Variants in PROX1 observed in about 807,000 individuals in gnomAD.
PROX1 encodes the protein prospero homeobox 1.
A neutral mutation model predicts 58.8 loss-of-function variants in PROX1; 7 were observed. That is an observed-to-expected ratio of 0.12 (90% CI 0.07 to 0.22). PROX1 has a LOEUF of 0.22. Among genes scored for constraint, PROX1 ranks in the 10% least tolerant of loss-of-function variants. PROX1 has a pLI of 1.00. For missense variants in PROX1, 675 were observed against 927.8 expected, an observed-to-expected ratio of 0.73 and a Z score of 3.54; for synonymous variants, 350 against 358.3, an observed-to-expected ratio of 0.98 and a Z score of 0.26.
chr1:214,010,265 A>G (rs185895424), intron 3 of PROX1, among the ~76,000 whole-genome samples: 25 of 152,316 alleles, frequency 1.6e-4, no homozygotes, highest in Non-Finnish European at 1.3e-4. Context: ...TTATGATGCA[A>G]GTTGGCCTTT....
At chr1:214,033,229 G>A (rs577819596) in intron 4 of PROX1, among the ~76,000 whole-genome samples, 2 of 152,306 alleles carry the variant, frequency 1.3e-5, no homozygotes, top group East Asian at 3.9e-4. Context: ...AGTGCTCAAG[G>A]AACATAGAAT....
At chr1:214,020,744 A>G (rs530049878) in intron 4 of PROX1, among the ~76,000 whole-genome samples, 2 of 152,370 alleles carry the variant, frequency 1.3e-5, no homozygotes, top group East Asian at 3.9e-4. Flanking sequence ...CTACTGCAAC[A>G]TAAAATGATT....
In PROX1 at chr1:214,035,134, TCAA is replaced by T. The variant is rs1664786839; in HGVS notation, c.2029-511_2029-509del. Reference sequence around the variant, plus strand: ...ATTAATATACAACTTAGCATCTGAGTCAACAATCCTCTGAGACAAACAGATAAC... The same window carrying T: ...ATTAATATACAACTTAGCATCTGAGTCAATCCTCTGAGACAAACAGATAAC... On this transcript the variant is annotated intron_variant, in intron 4 of 4. Transcript: ENST00000366958. 2.0e-5 allele frequency among the ~76,000 whole-genome samples: 3 copies of T among 152,276 alleles called. No individual in the cohort carries two copies. The South Asian group carries it at 6.2e-4, about 32-fold the overall frequency.
chr1:213,989,563 A>T lies in PROX1; in HGVS notation c.-68+1080A>T, dbSNP rs1662947183. 2.0e-5 allele frequency among the ~76,000 whole-genome samples: 3 copies of T among 151,788 alleles called. No homozygotes were observed. The South Asian group carries it at 6.3e-4, about 32-fold the overall frequency. On this transcript the variant is annotated intron_variant, in intron 1 of 4. Transcript: ENST00000366958. The stretch of plus-strand genomic sequence containing the variant: ...GAGGGAGGACAGGAGAGGTGAGAGT[A>T]ATTGTTACTGGGAAGACTAGTGAGG...
chr1:214,032,746 C>T (rs1558189209), intron 4 of PROX1, among the ~76,000 whole-genome samples: 1 of 152,110 alleles, frequency 6.6e-6, no homozygotes, highest in African/African-American at 2.4e-5. Flanking sequence ...GCTGAGGCTC[C>T]TTATCTAGAG....
chr1:214,010,220 A>G (rs1457571073), intron 3 of PROX1, among the ~76,000 whole-genome samples: 1 of 152,164 alleles, frequency 6.6e-6, no homozygotes, highest in Non-Finnish European at 1.5e-5. Flanking sequence ...TTTTCTGGTC[A>G]ATTATCTGTA....
At position 214,041,337 on chromosome 1, in the gene PROX1, A is replaced by T. The variant is rs1408271847; in HGVS notation, c.*5503A>T. The T allele has an allele frequency of 6.6e-6, 1 of 152,138 alleles. No homozygotes were observed. The allele number at this position is 152,138 out of a possible 1,614,324, so 9.4% of individuals were successfully genotyped here. On this transcript the variant is annotated 3_prime_UTR_variant, in exon 5 of 5. Coordinates refer to ENST00000366958, the MANE Select transcript of PROX1 (RefSeq NM_001270616.2). ...TGTAGGACAGTAGGCTAGTTGTGCC[A>T]GTAATGTCAAGTATGGAGATTTTCT...
In PROX1 at chr1:214,035,853, T is replaced by C. The variant is rs754708802; in HGVS notation, c.*19T>C. On this transcript the variant is annotated 3_prime_UTR_variant, in exon 5 of 5. Coordinates refer to ENST00000366958, the MANE Select transcript of PROX1 (RefSeq NM_001270616.2). ...TGAGTAGAAATTTCAACAACTCTTT[T>C]TGAATGTATGAAGAGTAGCAGTCCC... 2.9e-5 allele frequency: 47 copies of C among 1,600,132 alleles called. No homozygotes were observed. The highest frequency in any genetic ancestry group is 3.6e-5 in the Non-Finnish European group (42 of 1,172,350).
Position 214,036,673 on chromosome 1 carries a change from G to A in PROX1, c.*839G>A, listed in dbSNP as rs886902525. 6.6e-6 allele frequency: 1 copy of A among 152,090 alleles called. No individual in the cohort carries two copies. The highest frequency in any genetic ancestry group is 1.5e-5 in the Non-Finnish European group (1 of 68,008). 9.4% of individuals were successfully genotyped at this position (152,090 alleles called of 1,614,324 possible). A position where few individuals can be genotyped will look rare whatever the true frequency, so the allele number is the denominator to read the frequency against. On this transcript the variant is annotated 3_prime_UTR_variant, in exon 5 of 5. Transcript: ENST00000366958. The stretch of plus-strand genomic sequence containing the variant: ...TCATTTTTGCTTCAGATACTAAAAG[G>A]CACTAAGTTTCCAATTTACGCTGCT...
At chr1:214,031,065 G>C (rs1664635408) in intron 4 of PROX1, among the ~76,000 whole-genome samples, 2 of 150,466 alleles carry the variant, frequency 1.3e-5, no homozygotes, top group South Asian at 4.2e-4. Context: ...GTGTGTGTGT[G>C]TGCGCGCGCG....
At chr1:213,988,610 C>T (rs951380779) in intron 1 of PROX1, 127 bp downstream of exon 1, 4 of 152,194 alleles carry the variant, frequency 2.6e-5, no homozygotes, top group African/African-American at 9.7e-5. Flanking sequence ...ACATTATTCC[C>T]CCCAGGAGAA....
intron 3 of PROX1, among the ~76,000 whole-genome samples, chr1:214,008,426 C>A (rs4655481): frequency 0.33 from 48,768 of 146,150 alleles, 8,135 homozygotes; most frequent in Admixed American, 0.44. Context: ...ACAACAACAA[C>A]AAAAAAAACC....
chr1:213,997,303 G>T lies in PROX1; in HGVS notation c.768G>T (p.Lys256Asn). ...AACAGCTGCGCCAGCTGCAGGAAAAGTTCTACCAAATCTATGACAGCACTG... is the reference window on the plus strand; with the variant it reads ...AACAGCTGCGCCAGCTGCAGGAAAATTTCTACCAAATCTATGACAGCACTG... The part of the protein sequence containing the change: ...MQKQLRQLQE[K>N]FYQIYDSTDS... Residue 256 changes from lysine to asparagine, a missense_variant, in exon 2 of 5, where the codon AAG (lysine) becomes AAT (asparagine). By Grantham distance (94) the Lys-to-Asn change is moderately conservative (BLOSUM62 0). This residue lies in a region of PROX1 where 403 missense variants were observed against 477.4 expected (regional missense o/e 0.84). Transcript: ENST00000366958. The surrounding 1 kb of genome is among the most constrained non-coding windows in gnomAD (Gnocchi z 7.1). The T allele has an allele frequency of 6.2e-7, 1 of 1,614,122 alleles. No individual in the cohort carries two copies. Among genetic ancestry groups the T allele is most frequent in the South Asian group, 1.1e-5 (1 of 91,076 alleles).
At chr1:214,009,513 C>G (rs1024431357) in intron 3 of PROX1, among the ~76,000 whole-genome samples, 1 of 152,088 alleles carries the variant, frequency 6.6e-6, no homozygotes, top group African/African-American at 2.4e-5. Context: ...AATTTTAGTT[C>G]ACTTCTCCTG....
At chr1:214,009,772 G>T (rs1196523824) in intron 3 of PROX1, among the ~76,000 whole-genome samples, 2 of 151,910 alleles carry the variant, frequency 1.3e-5, no homozygotes, top group East Asian at 1.9e-4. Context: ...CAGTACTCTT[G>T]TCCATATGAG....
chr1:214,027,245 G>C (rs1252596458), intron 4 of PROX1, among the ~76,000 whole-genome samples: 2 of 142,486 alleles, frequency 1.4e-5, no homozygotes, highest in East Asian at 2.1e-4. Flanking sequence ...ACATTAACAT[G>C]ACATTGCCTG....
intron 3 of PROX1, among the ~76,000 whole-genome samples, chr1:214,008,556 G>A (rs757297129): frequency 7.2e-5 from 11 of 152,210 alleles, no homozygotes; most frequent in Non-Finnish European, 1.6e-4. Context: ...ACTTGCTCTA[G>A]AAGGTGAGTC....
Position 214,005,318 on chromosome 1 carries a change from G to A in PROX1, c.1833+46G>A, listed in dbSNP as rs1255338154. Reference sequence around the variant, plus strand: ...TAATTTTTTCATTTTCTATGCATGTGGCAGTAATTTGAACTCCCGGAAGTT... The same window carrying A: ...TAATTTTTTCATTTTCTATGCATGTAGCAGTAATTTGAACTCCCGGAAGTT... On this transcript the variant is annotated intron_variant, in intron 3 of 4. Coordinates refer to ENST00000366958, the MANE Select transcript of PROX1 (RefSeq NM_001270616.2). The A allele has an allele frequency of 2.0e-6, 3 of 1,465,550 alleles. No individual in the cohort carries two copies. In the South Asian group the frequency reaches 3.6e-5, roughly 17 times the overall value. The allele number at this position is 1,465,550 out of a possible 1,614,324, so 90.8% of individuals were successfully genotyped here. A position where few individuals can be genotyped will look rare whatever the true frequency, so the allele number is the denominator to read the frequency against.
intron 4 of PROX1, among the ~76,000 whole-genome samples, chr1:214,018,731 C>A (rs1218865190): frequency 6.6e-6 from 1 of 152,172 alleles, no homozygotes; most frequent in African/African-American, 2.4e-5. Flanking sequence ...TAAAGGCAAT[C>A]TCTGTGTCTC....
Sources: allele counts gnomAD v4.1 joint callset (sites outside exome capture counted in the v4.1 genomes callset), GRCh38; gene constraint gnomAD v4.1.1; regional missense constraint gnomAD v4.1.1; non-coding constraint Gnocchi (gnomAD v3.1); transcripts MANE v1.5; gene names NCBI Gene and HGNC (gene_info 2026-07-23, HGNC 2026-07-21).